The following PHF3 variants were observed in gnomAD, a reference collection of about 807,000 sequenced individuals.
PHF3 encodes PHD finger protein 3.
PHF3 carries 41 observed loss-of-function variants against 178.4 expected under a neutral mutation model. That is an observed-to-expected ratio of 0.23 (90% confidence interval 0.18 to 0.30). The LOEUF (loss-of-function observed/expected upper bound fraction) is 0.30, where lower values mean the gene tolerates loss of function less well. Ranked by LOEUF, PHF3 falls within the 10% of genes least tolerant of loss-of-function variation. PHF3 has a pLI of 1.00. For synonymous variants in PHF3, 842 were observed against 800.5 expected, an observed-to-expected ratio of 1.05 and a Z score of -0.88; for missense variants, 2,346 against 2,398.1, an observed-to-expected ratio of 0.98 and a Z score of 0.45.
chr6:63,652,390 C>CT (rs1464925811), intron 2 of PHF3, among the ~76,000 whole-genome samples: 3 of 151,870 alleles, frequency 2.0e-5, no homozygotes, highest in African/African-American at 7.3e-5. Flanking sequence ...AATTGGATTG[C>CT]TTTTTTGTTG....
At chr6:63,660,115 A>G (rs773973340) in intron 2 of PHF3, among the ~76,000 whole-genome samples, 1 of 152,054 alleles carries the variant, frequency 6.6e-6, no homozygotes, top group Admixed American at 6.6e-5. Context: ...TTTAAAGAAT[A>G]TATGTGTGTT....
At chr6:63,706,399 T>C (rs1767694220) in intron 12 of PHF3, among the ~76,000 whole-genome samples, 175 bp downstream of exon 12, 1 of 152,100 alleles carries the variant, frequency 6.6e-6, no homozygotes, top group African/African-American at 2.4e-5. Context: ...ATATTTGGAG[T>C]GTTTTCAGTG....
chr6:63,652,542 T>C (rs955993101), intron 2 of PHF3, among the ~76,000 whole-genome samples: 1 of 152,142 alleles, frequency 6.6e-6, no homozygotes, highest in African/African-American at 2.4e-5. Flanking sequence ...TTTAGTTTGA[T>C]CTAATCCCAA....
In PHF3 at chr6:63,722,033, T is replaced by C. The variant is rs913605477; in HGVS notation, c.*8325T>C. The stretch of plus-strand genomic sequence containing the variant: ...TTTCTCTAGTTGTGGACAGTTCTCA[T>C]TGAATGAATATATTGTGGTAGTAAG... On this transcript the variant is annotated 3_prime_UTR_variant, in exon 16 of 16. Transcript: ENST00000262043. Among the ~76,000 whole-genome samples, 1 of 152,176 alleles carries C rather than the reference T, an allele frequency of 6.6e-6. No individual in the cohort carries two copies. Among genetic ancestry groups the C allele is most frequent in the Non-Finnish European group, 1.5e-5 (1 of 68,016 alleles).
At chr6:63,702,820 G>T (rs1767531294) in intron 10 of PHF3, among the ~76,000 whole-genome samples, 181 bp downstream of exon 10, 1 of 152,160 alleles carries the variant, frequency 6.6e-6, no homozygotes, top group Admixed American at 6.5e-5. Flanking sequence ...TTGCATTATA[G>T]GTACCTGTTG....
chr6:63,667,574 G>A (rs1765733743), intron 2 of PHF3, among the ~76,000 whole-genome samples: 1 of 152,088 alleles, frequency 6.6e-6, no homozygotes, highest in East Asian at 1.9e-4. Flanking sequence ...ACAATTTCCA[G>A]GTATCATCTA....
rs1181476324 is a variant in PHF3 at position 63,715,354 on chromosome 6, C to T, written c.*1646C>T. ...AACTTGTTAGAAAACAAAGTTAGTT[C>T]CCAAACAAAACAAAATCTAAGTTAT... On this transcript the variant is annotated 3_prime_UTR_variant, in exon 16 of 16. Transcript: ENST00000262043. The T allele has an allele frequency of 6.6e-6, 1 of 152,178 alleles. No homozygotes were observed. The highest frequency in any genetic ancestry group is 6.6e-5 in the Admixed American group (1 of 15,264). The allele number at this position is 152,178 out of a possible 1,614,324, so 9.4% of individuals were successfully genotyped here.
Position 63,721,114 on chromosome 6 carries a change from T to C in PHF3, c.*7406T>C, listed in dbSNP as rs1022087052. 3 of 1,551,510 alleles carry C rather than the reference T, an allele frequency of 1.9e-6. No individual in the cohort carries two copies. Among genetic ancestry groups the C allele is most frequent in the East Asian group, 4.9e-5 (2 of 40,914 alleles). ...GTAGTGAACTGGAGGTTTCTCATTC[T>C]ATAATTTGGATCAATGTATTTAATG... On this transcript the variant is annotated 3_prime_UTR_variant, in exon 16 of 16. Coordinates refer to ENST00000262043, the MANE Select transcript of PHF3 (RefSeq NM_001370348.2).
At position 63,721,931 on chromosome 6, in the gene PHF3, AGTT is replaced by A; in HGVS notation, c.*8224_*8226del. ...AACAGATCTTGAGCACAATTGTGTTAGTTTTGTTTCCACTCACAGAGCAAAATG... is the reference window on the plus strand; with the variant it reads ...AACAGATCTTGAGCACAATTGTGTTATTGTTTCCACTCACAGAGCAAAATG... On this transcript the variant is annotated 3_prime_UTR_variant, in exon 16 of 16. Coordinates refer to ENST00000262043, the MANE Select transcript of PHF3 (RefSeq NM_001370348.2). 1.2e-6 allele frequency: 1 copy of A among 801,858 alleles called. No homozygotes were observed. The highest frequency in any genetic ancestry group is 1.9e-6 in the Non-Finnish European group (1 of 518,748). The allele number at this position is 801,858 out of a possible 1,614,324, so 49.7% of individuals were successfully genotyped here.
rs1765439580 is a variant in PHF3 at position 63,660,936 on chromosome 6, TG to T, written c.244+14142del. ...TGTATAGGCATATCTGTGTTGTCCCTGTGGAACTTGAGGAGACAGGGTTATC... is the reference window on the plus strand; with the variant it reads ...TGTATAGGCATATCTGTGTTGTCCCTTGGAACTTGAGGAGACAGGGTTATC... On this transcript the variant is annotated intron_variant, in intron 2 of 15. Transcript: ENST00000262043. Among the ~76,000 whole-genome samples, 7 of 152,312 alleles carry T rather than the reference TG, an allele frequency of 4.6e-5. No homozygotes were observed. The East Asian group carries it at 7.7e-4, about 17-fold the overall frequency.
At chr6:63,710,062 T>C (rs959464949) in intron 14 of PHF3, among the ~76,000 whole-genome samples, 2 of 152,188 alleles carry the variant, frequency 1.3e-5, no homozygotes, top group Admixed American at 1.3e-4. Context: ...AAATGTTACT[T>C]TTTTGCCTCT....
Position 63,680,118 on chromosome 6 carries a change from T to C in PHF3, c.363T>C (p.Asn121=). The change falls in exon 3 of 16, where the codon AAT becomes AAC. Residue 121 remains asparagine, a synonymous_variant. Coordinates refer to ENST00000262043, the MANE Select transcript of PHF3 (RefSeq NM_001370348.2). ...ACTTAAGGGACAAGGTAGAAGAAAA[T>C]TCAGTGAGATCTCCAAGAAAATCAC... The part of the protein sequence containing the change: ...NRNLRDKVEE[N]SVRSPRKSPR... 4 of 1,610,762 alleles carry C rather than the reference T, an allele frequency of 2.5e-6. No individual in the cohort carries two copies. Among genetic ancestry groups the C allele is most frequent in the Non-Finnish European group, 2.5e-6 (3 of 1,178,738 alleles).
At chr6:63,679,593 A>T in intron 2 of PHF3, 2 of 283,888 alleles carry the variant, frequency 7.0e-6, no homozygotes, top group Non-Finnish European at 1.4e-5. Flanking sequence ...AGTTAGAAGT[A>T]GAATTTTTGA....
chr6:63,707,481 T>G (rs996860501), intron 13 of PHF3, among the ~76,000 whole-genome samples: 15 of 152,200 alleles, frequency 9.9e-5, no homozygotes, highest in African/African-American at 3.6e-4. Flanking sequence ...AGCAGTAACA[T>G]TATAATATTG....
intron 12 of PHF3, among the ~76,000 whole-genome samples, chr6:63,706,502 T>C (rs1767699892): frequency 1.3e-5 from 2 of 152,228 alleles, no homozygotes; most frequent in African/African-American, 4.8e-5. Flanking sequence ...ACGAAATGTT[T>C]GCACTTTTCT....
intron 2 of PHF3, among the ~76,000 whole-genome samples, chr6:63,662,682 T>C (rs1765519656): frequency 6.6e-6 from 1 of 152,220 alleles, no homozygotes; most frequent in African/African-American, 2.4e-5. Context: ...TTTTGGTCTT[T>C]GGTCATAGGT....
chr6:63,720,564 G>A lies in PHF3; in HGVS notation c.*6856G>A, dbSNP rs538834676. 1.2e-5 allele frequency: 17 copies of A among 1,402,276 alleles called. No homozygotes were observed. Among genetic ancestry groups the A allele is most frequent in the Non-Finnish European group, 1.6e-5 (17 of 1,054,424 alleles). 86.9% of individuals were successfully genotyped at this position (1,402,276 alleles called of 1,614,324 possible). On this transcript the variant is annotated 3_prime_UTR_variant, in exon 16 of 16. Coordinates refer to ENST00000262043, the MANE Select transcript of PHF3 (RefSeq NM_001370348.2). ...TAACTATCAAAATAACTGCATTTAT[G>A]TATAGTGTGTACTAAAATCTCTAGT...
intron 2 of PHF3, among the ~76,000 whole-genome samples, chr6:63,664,505 A>G (rs934681122): frequency 5.3e-5 from 8 of 152,180 alleles, no homozygotes; most frequent in Non-Finnish European, 1.2e-4. Flanking sequence ...AGTGCACACC[A>G]GTATTTTTAC....
intron 5 of PHF3, 58 bp from the exon 6 acceptor site, chr6:63,694,523 A>C (rs377582647): frequency 1.6e-6 from 2 of 1,254,966 alleles, no homozygotes; most frequent in East Asian, 2.6e-5. Context: ...TGTACGTCTT[A>C]AAAAACAAAG....
Sources: allele counts gnomAD v4.1 joint callset (sites outside exome capture counted in the v4.1 genomes callset), GRCh38; gene constraint gnomAD v4.1.1; transcripts MANE v1.5; gene names NCBI Gene and HGNC (gene_info 2026-07-23, HGNC 2026-07-21).